Variants in TBXAS1 observed in about 807,000 individuals in gnomAD.
TBXAS1 encodes the protein thromboxane A synthase 1, also known as thromboxane-A synthase.
In TBXAS1, 48 loss-of-function variants were observed where a neutral mutation model predicts 60.7. The ratio of observed to expected loss-of-function variants is 0.79; its 90% CI spans 0.63 to 1.01. The LOEUF (loss-of-function observed/expected upper bound fraction) is 1.01. Ranked by LOEUF, TBXAS1 falls within the 50% of genes least tolerant of loss-of-function variation. The pLI is 0.00. For synonymous variants in TBXAS1, 287 were observed against 269.7 expected (o/e 1.06, Z -0.63); for missense variants, 685 against 686.3 (o/e 1.00, Z 0.02).
chr7:139,874,312 T>C (rs1288298098), intron 2 of TBXAS1, among the ~76,000 whole-genome samples: 1 of 152,162 alleles, frequency 6.6e-6, no homozygotes, highest in African/African-American at 2.4e-5. Context: ...AATGATCAGT[T>C]GTATTCCGTG....
chr7:139,858,487 T>A (rs194150), intron 1 of TBXAS1, among the ~76,000 whole-genome samples: 92,836 of 152,068 alleles, frequency 0.61, 29,495 homozygotes, highest in Non-Finnish European at 0.7. Flanking sequence ...GGGATGCCTC[T>A]TAGCCACAAT....
At chr7:139,957,163 T>G (rs1350937036) in intron 7 of TBXAS1, among the ~76,000 whole-genome samples, 4 of 152,222 alleles carry the variant, frequency 2.6e-5, no homozygotes, top group Non-Finnish European at 2.9e-5. Flanking sequence ...GTGGCAGCTC[T>G]TGGGAGCAAT....
chr7:140,016,845 G>A (rs77929903), intron 11 of TBXAS1: 9,514 of 152,430 alleles, frequency 0.062, 390 homozygotes, highest in Non-Finnish European at 0.091. Context: ...CCAAGCCTAC[G>A]ACCCAGTCAC....
chr7:139,827,527 G>A (rs1276117965), upstream of TBXAS1, among the ~76,000 whole-genome samples: 2 of 131,936 alleles, frequency 1.5e-5, no homozygotes, highest in Admixed American at 6.9e-5. Flanking sequence ...GTACTTCTTT[G>A]TTTGTTTTTT....
intron 4 of TBXAS1, chr7:139,913,378 C>T (rs928147623): frequency 5.2e-5 from 26 of 504,782 alleles, no homozygotes; most frequent in South Asian, 3.4e-4. Context: ...TCAAAGTGCA[C>T]GGACCACCAA....
chr7:139,887,808 CA>C (rs1218221843), intron 3 of TBXAS1, among the ~76,000 whole-genome samples: 1 of 152,184 alleles, frequency 6.6e-6, no homozygotes, highest in African/African-American at 2.4e-5. Flanking sequence ...ATTGCCAGAT[CA>C]CAGAGTAAAT....
chr7:140,019,329 G>A (rs1190344622), intron 12 of TBXAS1, among the ~76,000 whole-genome samples: 2 of 152,120 alleles, frequency 1.3e-5, no homozygotes, highest in East Asian at 1.9e-4. Context: ...CCACTGCATC[G>A]GGGCTTCCAC....
At position 139,811,321 on chromosome 7, in the gene TBXAS1, G is replaced by A. The variant is rs368770118; in HGVS notation, c.-79-17991G>A. Among the ~76,000 whole-genome samples the A allele has an allele frequency of 7.9e-5, 12 of 152,328 alleles. No homozygotes were observed. In the East Asian group the frequency reaches 1.3e-3, roughly 17 times the overall value. On this transcript the variant is annotated intron_variant, in intron 4 of 16. Coordinates refer to the TBXAS1 transcript ENST00000336425. The stretch of plus-strand genomic sequence containing the variant: ...GAGTCTGAGACTCATGAGCAAAGCC[G>A]TGGTGTGGGTAAGAGGGATGAGCTG...
intron 9 of TBXAS1, among the ~76,000 whole-genome samples, chr7:139,976,867 T>C (rs1194850355): frequency 6.6e-6 from 1 of 152,148 alleles, no homozygotes; most frequent in African/African-American, 2.4e-5. Flanking sequence ...AACCTCCACA[T>C]CCTTACTGGA....
chr7:140,001,407 G>T (rs951689861), intron 9 of TBXAS1, among the ~76,000 whole-genome samples: 11 of 152,072 alleles, frequency 7.2e-5, no homozygotes, highest in African/African-American at 2.7e-4. Flanking sequence ...ACTGACAGAG[G>T]ACCAGGTGTG....
At chr7:139,878,899 C>T (rs867580539) in intron 3 of TBXAS1, among the ~76,000 whole-genome samples, 2 of 151,870 alleles carry the variant, frequency 1.3e-5, no homozygotes, top group Non-Finnish European at 2.9e-5. Context: ...CTGTTGATGC[C>T]GTGTAGAGAT....
chr7:139,840,335 C>T (rs994747474), intron 1 of TBXAS1, among the ~76,000 whole-genome samples: 5 of 152,248 alleles, frequency 3.3e-5, no homozygotes, highest in Admixed American at 2.6e-4. Context: ...AGGCATCCCG[C>T]CTCCAGCATG....
At chr7:140,011,836 C>CTA (rs3831720) in intron 10 of TBXAS1, among the ~76,000 whole-genome samples, 48,640 of 150,394 alleles carry the variant, frequency 0.32, 8,087 homozygotes, top group East Asian at 0.61. Flanking sequence ...ATTTTATGTT[C>CTA]TATATATATA....
intron 3 of TBXAS1, among the ~76,000 whole-genome samples, chr7:139,786,236 C>T (rs969430357): frequency 6.6e-6 from 1 of 151,600 alleles, no homozygotes; most frequent in Non-Finnish European, 1.5e-5. Flanking sequence ...ATAATAATGT[C>T]TGCCTCATCA....
chr7:139,862,152 T>A (rs908306381), intron 1 of TBXAS1, among the ~76,000 whole-genome samples: 1 of 152,166 alleles, frequency 6.6e-6, no homozygotes, highest in African/African-American at 2.4e-5. Context: ...AAAGCATCCA[T>A]CAAGTTGGAA....
intron 9 of TBXAS1, among the ~76,000 whole-genome samples, chr7:139,978,388 T>C (rs1811708868): frequency 6.6e-6 from 1 of 151,816 alleles, no homozygotes; most frequent in Non-Finnish European, 1.5e-5. Context: ...TGCACACCTG[T>C]AATTCCAGCT....
chr7:139,915,026 G>A (rs549884438), intron 4 of TBXAS1, among the ~76,000 whole-genome samples: 11 of 152,098 alleles, frequency 7.2e-5, no homozygotes, highest in Admixed American at 2.6e-4. Flanking sequence ...TCACAAACAC[G>A]TAAAAAGACC....
At chr7:140,017,622 G>A (rs1230801692) in intron 11 of TBXAS1, 49 bp from the exon 12 acceptor site, 2 of 1,607,876 alleles carry the variant, frequency 1.2e-6, no homozygotes, top group Non-Finnish European at 1.7e-6. Flanking sequence ...GGGCTGCAGA[G>A]GGGAGGGAGC....
At chr7:140,006,022 C>A (rs17161337) in intron 9 of TBXAS1, among the ~76,000 whole-genome samples, 1 of 152,168 alleles carries the variant, frequency 6.6e-6, no homozygotes, top group Non-Finnish European at 1.5e-5. Flanking sequence ...CCCCTGCAGA[C>A]GGAGGAACTA....
Sources: allele counts gnomAD v4.1 joint callset (sites outside exome capture counted in the v4.1 genomes callset), GRCh38; gene constraint gnomAD v4.1.1; transcripts MANE v1.5; gene names NCBI Gene and HGNC (gene_info 2026-07-23, HGNC 2026-07-21).